GPC6: variants seen among roughly 807,000 people sequenced by gnomAD.
The protein encoded by GPC6 is glypican 6.
Under a neutral mutation model 55.2 loss-of-function variants are expected in GPC6, and 14 were observed. That is an observed-to-expected ratio of 0.25 (90% CI 0.17 to 0.40). GPC6 has a LOEUF of 0.40. Among genes scored for constraint, GPC6 ranks in the 10% least tolerant of loss-of-function variants. The pLI is 1.00. For missense variants in GPC6, 641 were observed against 708.5 expected, an observed-to-expected ratio of 0.90 and a Z score of 1.08; for synonymous variants, 278 against 259.6, an observed-to-expected ratio of 1.07 and a Z score of -0.68.
At chr13:93,466,833 G>A (rs1878922325) in intron 1 of GPC6, among the ~76,000 whole-genome samples, 1 of 152,174 alleles carries the variant, frequency 6.6e-6, no homozygotes, top group Admixed American at 6.5e-5. Context: ...CAGTAAATTT[G>A]CTGTCTCATC....
rs1555336134 is a variant in GPC6, at chr13:93,231,382, T to TATAC, written c.160+3769_160+3770insCATA. Among the ~76,000 whole-genome samples the TATAC allele has an allele frequency of 3.6e-3, 97 of 26,764 alleles. 5 individuals are homozygous for TATAC. Among genetic ancestry groups the TATAC allele is most frequent in the Admixed American group, 9.1e-3 (19 of 2,092 alleles). 17.6% of individuals were successfully genotyped at this position (26,764 alleles called of 152,430 possible). On this transcript the variant is annotated intron_variant, in intron 1 of 8. Transcript: ENST00000377047. The stretch of plus-strand genomic sequence containing the variant: ...ATACGTATATATATATATATATACA[T>TATAC]ATATATATATATATGTATATATATA...
intron 6 of GPC6, among the ~76,000 whole-genome samples, chr13:94,316,444 G>A (rs971150213): frequency 5.3e-5 from 8 of 152,328 alleles, no homozygotes; most frequent in East Asian, 1.9e-4. Context: ...TGGGCCGGGC[G>A]CGGTGGCTCA....
At chr13:93,520,625 G>T (rs2139398736) in intron 1 of GPC6, among the ~76,000 whole-genome samples, 1 of 151,866 alleles carries the variant, frequency 6.6e-6, no homozygotes, top group Middle Eastern at 3.4e-3. Context: ...AACATGTAAA[G>T]ATTCTCTGTG....
Position 93,798,622 on chromosome 13 carries a change from A to G in GPC6, c.320-31532A>G, listed in dbSNP as rs115854919. 2.4e-3 allele frequency among the ~76,000 whole-genome samples: 369 copies of G among 152,280 alleles called. 3 individuals carry two copies. The highest frequency in any genetic ancestry group is 8.5e-3 in the African/African-American group (354 of 41,562). On this transcript the variant is annotated intron_variant, in intron 2 of 8. Transcript: ENST00000377047. Reference sequence around the variant, plus strand: ...AGAAGGTCATTTTGAATGTGCACCTACAATAGTGACAACAGGCTGGGCGCG... The same window carrying G: ...AGAAGGTCATTTTGAATGTGCACCTGCAATAGTGACAACAGGCTGGGCGCG...
intron 3 of GPC6, among the ~76,000 whole-genome samples, chr13:93,855,909 ATTCT>A (rs1022275032): frequency 2.0e-5 from 3 of 151,580 alleles, no homozygotes; most frequent in Non-Finnish European, 4.4e-5. Context: ...GATTTTAATC[ATTCT>A]TTCTATATTT....
At chr13:93,384,321 A>G (rs2139208226) in intron 1 of GPC6, among the ~76,000 whole-genome samples, 1 of 152,234 alleles carries the variant, frequency 6.6e-6, no homozygotes, top group East Asian at 1.9e-4. Flanking sequence ...CTTTCTTTCT[A>G]AAGATATGTG....
intron 4 of GPC6, among the ~76,000 whole-genome samples, chr13:94,098,826 T>G (rs1594734944): frequency 6.6e-6 from 1 of 152,254 alleles, no homozygotes; most frequent in Non-Finnish European, 1.5e-5. Flanking sequence ...AATAAGAGTA[T>G]TATATATATA....
At chr13:93,924,853 A>C (rs1374624260) in intron 3 of GPC6, among the ~76,000 whole-genome samples, 1 of 152,088 alleles carries the variant, frequency 6.6e-6, no homozygotes, top group Non-Finnish European at 1.5e-5. Context: ...TGACACCAAA[A>C]AATTGTATGC....
intron 1 of GPC6, among the ~76,000 whole-genome samples, chr13:93,490,406 C>G (rs997908469): frequency 7.3e-6 from 1 of 137,372 alleles, no homozygotes; most frequent in Admixed American, 7.5e-5. Flanking sequence ...GATGTACTTA[C>G]ATATACACAC....
chr13:94,276,404 G>A (rs1892204987), intron 4 of GPC6, among the ~76,000 whole-genome samples: 2 of 152,124 alleles, frequency 1.3e-5, no homozygotes, highest in Non-Finnish European at 2.9e-5. Context: ...TGTTTAGGGG[G>A]CAGAGGTGGC....
chr13:93,989,194 C>T (rs538116419), intron 3 of GPC6, among the ~76,000 whole-genome samples: 2 of 152,142 alleles, frequency 1.3e-5, no homozygotes, highest in Non-Finnish European at 2.9e-5. Context: ...TCCTCTAACT[C>T]CCTGACAAGT....
intron 1 of GPC6, among the ~76,000 whole-genome samples, chr13:93,527,164 C>G (rs934587614): frequency 6.6e-6 from 1 of 151,918 alleles, no homozygotes; most frequent in Non-Finnish European, 1.5e-5. Flanking sequence ...AGCAACTTAT[C>G]GTTAGCAGTC....
At chr13:94,222,288 C>A (rs961888964) in intron 4 of GPC6, among the ~76,000 whole-genome samples, 2 of 152,038 alleles carry the variant, frequency 1.3e-5, no homozygotes, top group African/African-American at 4.8e-5. Context: ...AATTATAATA[C>A]AAATCTAGAT....
chr13:93,725,979 C>G (rs374100837), intron 2 of GPC6, among the ~76,000 whole-genome samples: 1 of 151,956 alleles, frequency 6.6e-6, no homozygotes, highest in South Asian at 2.1e-4. Context: ...TTCATTTTGT[C>G]CCACTGAAAA....
intron 2 of GPC6, among the ~76,000 whole-genome samples, chr13:93,667,542 C>T (rs1197948402): frequency 6.6e-6 from 1 of 151,774 alleles, no homozygotes; most frequent in African/African-American, 2.4e-5. Flanking sequence ...AAGTGATTCT[C>T]CTGCCTTAGC....
rs146601294 is a variant in GPC6 at position 93,997,581 on chromosome 13, A to ATGTGTGTGTGTGTGTGTGTG, written c.712-30141_712-30122dup. 1.8e-3 allele frequency among the ~76,000 whole-genome samples: 265 copies of ATGTGTGTGTGTGTGTGTGTG among 148,914 alleles called. 3 individuals are homozygous for ATGTGTGTGTGTGTGTGTGTG. The East Asian group carries it at 0.049, about 27-fold the overall frequency. ...TCACATCAGCATAAAAAGACATAAT[A>ATGTGTGTGTGTGTGTGTGTG]TGTGTGTGTGTGTGTGTGTGTGTGT... On this transcript the variant is annotated intron_variant, in intron 3 of 8. Transcript: ENST00000377047.
chr13:93,358,252 A>G (rs530923270), intron 1 of GPC6, among the ~76,000 whole-genome samples: 1 of 152,194 alleles, frequency 6.6e-6, no homozygotes, highest in South Asian at 2.1e-4. Flanking sequence ...GCTGTGGTGG[A>G]ATGATTGCTT....
At chr13:94,105,023 A>G (rs1886001957) in intron 4 of GPC6, among the ~76,000 whole-genome samples, 1 of 152,150 alleles carries the variant, frequency 6.6e-6, no homozygotes, top group Non-Finnish European at 1.5e-5. Flanking sequence ...ATCCTAAGCA[A>G]AAAGAACAAA....
chr13:94,333,213 A>G (rs1481242917), intron 6 of GPC6, among the ~76,000 whole-genome samples: 2 of 152,152 alleles, frequency 1.3e-5, no homozygotes, highest in Non-Finnish European at 2.9e-5. Context: ...CTTCATTTCT[A>G]ACTTTGAAGT....
Sources: gnomAD v4.1 joint callset for allele counts (sites outside exome capture counted in the v4.1 genomes callset) on GRCh38, gnomAD v4.1.1 for gene constraint, MANE v1.5 for transcripts, NCBI Gene and HGNC (gene_info 2026-07-23, HGNC 2026-07-21) for gene names.